The following CNTNAP5 variants were observed in gnomAD, a reference collection of about 807,000 sequenced individuals.
The protein encoded by CNTNAP5 is contactin-associated protein-like 5.
A neutral mutation model predicts 150.2 loss-of-function variants in CNTNAP5; 72 were observed. The observed-to-expected ratio is 0.48, with a 90% CI of 0.40 to 0.58. The LOEUF (loss-of-function observed/expected upper bound fraction) is 0.58. Among genes scored for constraint, CNTNAP5 ranks in the 20% least tolerant of loss-of-function variants. CNTNAP5 has a pLI of 0.00. For synonymous variants in CNTNAP5, 672 were observed against 619.8 expected, an observed-to-expected ratio of 1.08 and a Z score of -1.25; for missense variants, 1,636 against 1,626.2, an observed-to-expected ratio of 1.01 and a Z score of -0.10.
chr2:124,426,928 T>C (rs1267789293), intron 4 of CNTNAP5, among the ~76,000 whole-genome samples: 1 of 152,216 alleles, frequency 6.6e-6, no homozygotes, highest in Non-Finnish European at 1.5e-5. Flanking sequence ...TTGTGCACTG[T>C]AGAGCCTGCC....
At chr2:124,888,579 T>G (rs957395885) in intron 21 of CNTNAP5, among the ~76,000 whole-genome samples, 1 of 152,124 alleles carries the variant, frequency 6.6e-6, no homozygotes, top group African/African-American at 2.4e-5. Flanking sequence ...TGAATAAGCT[T>G]CTTCTTTTCT....
At chr2:124,334,427 A>G (rs1444708420) in intron 3 of CNTNAP5, among the ~76,000 whole-genome samples, 1 of 152,128 alleles carries the variant, frequency 6.6e-6, no homozygotes, top group Non-Finnish European at 1.5e-5. Flanking sequence ...CCCTGGCAAA[A>G]ATCATGTCCA....
intron 19 of CNTNAP5, among the ~76,000 whole-genome samples, chr2:124,830,018 T>C (rs1558792384): frequency 6.6e-6 from 1 of 151,616 alleles, no homozygotes; most frequent in Admixed American, 6.6e-5. Context: ...GCTGATACCA[T>C]ATTAGATTTC....
chr2:124,323,189 AC>A (rs769483585), intron 3 of CNTNAP5, among the ~76,000 whole-genome samples: 2 of 152,154 alleles, frequency 1.3e-5, no homozygotes, highest in African/African-American at 4.8e-5. Flanking sequence ...CGGGTCAGGA[AC>A]ACTTTCCCAG....
intron 1 of CNTNAP5, among the ~76,000 whole-genome samples, chr2:124,101,887 T>C (rs1304456317): frequency 6.6e-6 from 1 of 152,198 alleles, no homozygotes; most frequent in Non-Finnish European, 1.5e-5. Context: ...TATCAGACAT[T>C]CACTCTTCTT....
intron 10 of CNTNAP5, among the ~76,000 whole-genome samples, chr2:124,558,364 C>G (rs376785304): frequency 2.8e-4 from 42 of 152,038 alleles, no homozygotes; most frequent in African/African-American, 9.9e-4. Flanking sequence ...GTGTTGACAT[C>G]AACTGTGATA....
intron 19 of CNTNAP5, among the ~76,000 whole-genome samples, chr2:124,864,153 G>T (rs767591181): frequency 6.6e-6 from 1 of 152,094 alleles, no homozygotes; most frequent in East Asian, 1.9e-4. Context: ...AGATAAAGTA[G>T]CATCTCAACA....
intron 1 of CNTNAP5, among the ~76,000 whole-genome samples, chr2:124,138,613 T>C (rs1437449271): frequency 1.3e-5 from 2 of 152,218 alleles, no homozygotes; most frequent in South Asian, 2.1e-4. Context: ...TGTTCTAGCA[T>C]GGCCAGAGCA....
chr2:124,112,023 G>A (rs897685252), intron 1 of CNTNAP5, among the ~76,000 whole-genome samples: 3 of 152,146 alleles, frequency 2.0e-5, no homozygotes, highest in Non-Finnish European at 4.4e-5. Flanking sequence ...AAGTTTGCTG[G>A]AATCTTGTGC....
chr2:124,118,016 T>TA (rs1303797229), intron 1 of CNTNAP5, among the ~76,000 whole-genome samples: 2 of 152,112 alleles, frequency 1.3e-5, no homozygotes, highest in African/African-American at 4.8e-5. Context: ...AGCATACATT[T>TA]AAAAAAATTT....
At chr2:124,082,441 G>A (rs1259709367) in intron 1 of CNTNAP5, among the ~76,000 whole-genome samples, 1 of 151,164 alleles carries the variant, frequency 6.6e-6, no homozygotes, top group African/African-American at 2.4e-5. Context: ...AGAGATCCAT[G>A]GAGTTGCAAG....
At chr2:124,406,047 A>C (rs1198344330) in intron 3 of CNTNAP5, among the ~76,000 whole-genome samples, 1 of 152,204 alleles carries the variant, frequency 6.6e-6, no homozygotes, top group Non-Finnish European at 1.5e-5. Context: ...TCACCATGCA[A>C]TTCAAACTAA....
rs1448616516 is a variant in CNTNAP5, at chr2:124,257,445, C to G, written c.381+15052C>G. Among the ~76,000 whole-genome samples the G allele has an allele frequency of 2.0e-5, 3 of 152,308 alleles. 1 individual carries two copies. The South Asian group carries it at 6.2e-4, about 32-fold the overall frequency. On this transcript the variant is annotated intron_variant, in intron 3 of 23. Transcript: ENST00000682447. ...TGACTGGTTATGCATTGCCAATCTT[C>G]TGGATCATTAAGCCTTTGCTCATAC... is the stretch of plus-strand genomic sequence containing the variant.
chr2:124,124,653 C>A (rs557877261), intron 1 of CNTNAP5, among the ~76,000 whole-genome samples: 1 of 152,228 alleles, frequency 6.6e-6, no homozygotes, highest in Non-Finnish European at 1.5e-5. Flanking sequence ...ATCTTAAGGG[C>A]AGCCAGAGAG....
intron 10 of CNTNAP5, among the ~76,000 whole-genome samples, chr2:124,558,548 C>T (rs1323229390): frequency 4.6e-5 from 7 of 152,110 alleles, no homozygotes; most frequent in East Asian, 3.9e-4. Context: ...GGTGTGTAGC[C>T]GTGAGATTTG....
intron 13 of CNTNAP5, among the ~76,000 whole-genome samples, chr2:124,703,528 A>G (rs1017114794): frequency 6.6e-6 from 1 of 152,194 alleles, no homozygotes; most frequent in East Asian, 1.9e-4. Context: ...TTTTATGTTC[A>G]AACACCTAGA....
intron 3 of CNTNAP5, among the ~76,000 whole-genome samples, chr2:124,386,959 C>T (rs1014512386): frequency 1.3e-5 from 2 of 152,152 alleles, no homozygotes; most frequent in African/African-American, 4.8e-5. Context: ...AGCCAGAGGG[C>T]TAACTTGCTT....
At chr2:124,044,456 TG>T (rs1246799598) in intron 1 of CNTNAP5, among the ~76,000 whole-genome samples, 1 of 152,144 alleles carries the variant, frequency 6.6e-6, no homozygotes, top group Non-Finnish European at 1.5e-5. Flanking sequence ...TCTAATTAAT[TG>T]GGGGAAATTG....
intron 13 of CNTNAP5, among the ~76,000 whole-genome samples, chr2:124,672,444 A>G (rs1260374224): frequency 6.6e-6 from 1 of 152,204 alleles, no homozygotes; most frequent in African/African-American, 2.4e-5. Context: ...CTGAAAAGAA[A>G]GAAATACTGA....
Sources: allele counts gnomAD v4.1 joint callset (sites outside exome capture counted in the v4.1 genomes callset), GRCh38; gene constraint gnomAD v4.1.1; transcripts MANE v1.5; gene names NCBI Gene and HGNC (gene_info 2026-07-23, HGNC 2026-07-21).